CNTNAP2: variants seen among roughly 807,000 people sequenced by gnomAD.
CNTNAP2 encodes contactin associated protein 2, also known as contactin-associated protein-like 2.
Under a neutral mutation model 155.2 loss-of-function variants are expected in CNTNAP2, and 98 were observed. The ratio of observed to expected loss-of-function variants is 0.63; its 90% CI spans 0.54 to 0.75. CNTNAP2 has a LOEUF of 0.75. Among genes scored for constraint, CNTNAP2 ranks in the 30% least tolerant of loss-of-function variants. CNTNAP2 has a pLI of 0.00. For synonymous variants in CNTNAP2, 651 were observed against 631.2 expected (o/e 1.03, Z -0.47); for missense variants, 1,727 against 1,688.1 (o/e 1.02, Z -0.40).
At chr7:147,613,738 G>A (rs1444825416) in intron 12 of CNTNAP2, among the ~76,000 whole-genome samples, 2 of 152,106 alleles carry the variant, frequency 1.3e-5, no homozygotes, top group East Asian at 3.9e-4. Flanking sequence ...AGCTACTTGG[G>A]AGGCAGAGAC....
intron 3 of CNTNAP2, among the ~76,000 whole-genome samples, chr7:146,988,690 G>A (rs1262105300): frequency 6.6e-6 from 1 of 152,138 alleles, no homozygotes; most frequent in Non-Finnish European, 1.5e-5. Context: ...TCTTCAGTTA[G>A]ACCATTTGAA....
intron 8 of CNTNAP2, among the ~76,000 whole-genome samples, chr7:147,135,939 G>A (rs1391102837): frequency 1.3e-5 from 2 of 150,902 alleles, no homozygotes; most frequent in Non-Finnish European, 3.0e-5. Flanking sequence ...CTCTATATTG[G>A]AAAACTAAAT....
At chr7:146,930,716 G>T (rs899786506) in intron 3 of CNTNAP2, among the ~76,000 whole-genome samples, 46 of 152,110 alleles carry the variant, frequency 3.0e-4, no homozygotes, top group Admixed American at 2.2e-3. Flanking sequence ...ACACACATAG[G>T]CTCAAAATAA....
chr7:146,404,043 T>TGAACCC (rs1279318246), intron 1 of CNTNAP2, among the ~76,000 whole-genome samples: 13 of 140,148 alleles, frequency 9.3e-5, no homozygotes, highest in Non-Finnish European at 1.7e-4. Flanking sequence ...GAGAATGGCG[T>TGAACCC]GAACCCGGGA....
chr7:148,344,552 G>T (rs1798289517), intron 21 of CNTNAP2, among the ~76,000 whole-genome samples: 1 of 152,044 alleles, frequency 6.6e-6, no homozygotes, highest in South Asian at 2.1e-4. Flanking sequence ...CCTGCTCTCT[G>T]CCCCCTTGCT....
intron 15 of CNTNAP2, among the ~76,000 whole-genome samples, chr7:147,989,772 A>C (rs1801678580): frequency 1.3e-5 from 2 of 152,140 alleles, no homozygotes; most frequent in Non-Finnish European, 2.9e-5. Flanking sequence ...CATCATGTGG[A>C]TCTCAGCTTC....
At chr7:148,343,388 TTTTA>T (rs1439841921) in intron 21 of CNTNAP2, among the ~76,000 whole-genome samples, 2 of 152,228 alleles carry the variant, frequency 1.3e-5, no homozygotes, top group Non-Finnish European at 2.9e-5. Context: ...TGTCAATGTA[TTTTA>T]TTTATGTTTC....
chr7:146,260,877 T>C (rs1799909216), intron 1 of CNTNAP2, among the ~76,000 whole-genome samples: 1 of 152,106 alleles, frequency 6.6e-6, no homozygotes, highest in Non-Finnish European at 1.5e-5. Flanking sequence ...GACATGACAT[T>C]TGGAAGGTGG....
At chr7:146,542,428 A>G (rs1231531809) in intron 1 of CNTNAP2, among the ~76,000 whole-genome samples, 1 of 151,976 alleles carries the variant, frequency 6.6e-6, no homozygotes, top group African/African-American at 2.4e-5. Flanking sequence ...GTAAGAACAC[A>G]AATAAACTAA....
chr7:147,271,940 T>C (rs2116706237), intron 8 of CNTNAP2, among the ~76,000 whole-genome samples: 1 of 152,314 alleles, frequency 6.6e-6, no homozygotes, highest in East Asian at 1.9e-4. Flanking sequence ...TTGCCCAGGC[T>C]GGAGTGCTAT....
At chr7:147,819,338 G>A (rs1402102465) in intron 13 of CNTNAP2, among the ~76,000 whole-genome samples, 1 of 152,048 alleles carries the variant, frequency 6.6e-6, no homozygotes, top group East Asian at 1.9e-4. Flanking sequence ...TTTCACTTCA[G>A]CTTTTCAACA....
intron 3 of CNTNAP2, among the ~76,000 whole-genome samples, chr7:146,857,116 T>G (rs1795005430): frequency 6.6e-6 from 1 of 152,140 alleles, no homozygotes; most frequent in Non-Finnish European, 1.5e-5. Flanking sequence ...AAATGTACAC[T>G]ATTTGGAAGT....
chr7:147,562,439 A>G (rs1281091147), intron 12 of CNTNAP2, among the ~76,000 whole-genome samples, 182 bp downstream of exon 12: 1 of 152,228 alleles, frequency 6.6e-6, no homozygotes, highest in Non-Finnish European at 1.5e-5. Context: ...ACATTTTGAC[A>G]CTGTGCTTTT....
chr7:146,677,195 A>T (rs982418246), intron 1 of CNTNAP2, among the ~76,000 whole-genome samples: 1 of 152,160 alleles, frequency 6.6e-6, no homozygotes, highest in African/African-American at 2.4e-5. Flanking sequence ...AAGTGGGGGA[A>T]GTGGGAGGCT....
At chr7:147,931,424 A>G (rs1380715724) in intron 14 of CNTNAP2, among the ~76,000 whole-genome samples, 2 of 152,272 alleles carry the variant, frequency 1.3e-5, no homozygotes, top group South Asian at 2.1e-4. Context: ...AAAAGGGGAT[A>G]CTTTCAAACT....
intron 21 of CNTNAP2, among the ~76,000 whole-genome samples, chr7:148,297,193 G>GAAGGAAGGAAGGAAGGAAGA (rs1797302768): frequency 1.3e-5 from 2 of 151,084 alleles, no homozygotes; most frequent in Non-Finnish European, 2.9e-5. Flanking sequence ...AGGAAGGAAG[G>GAAGGAAGGAAGGAAGGAAGA]AAGGAAGGAA....
At chr7:147,395,940 G>A (rs960324980) in intron 10 of CNTNAP2, among the ~76,000 whole-genome samples, 160 bp downstream of exon 10, 6 of 150,936 alleles carry the variant, frequency 4.0e-5, no homozygotes, top group Admixed American at 1.3e-4. Context: ...TGTGATATTA[G>A]CAGTGATTAT....
chr7:146,688,830 A>G (rs1800648501), intron 1 of CNTNAP2, among the ~76,000 whole-genome samples: 1 of 152,160 alleles, frequency 6.6e-6, no homozygotes, highest in Non-Finnish European at 1.5e-5. Context: ...TATCCTAATT[A>G]TACTAGGAAG....
intron 1 of CNTNAP2, among the ~76,000 whole-genome samples, chr7:146,213,906 C>G (rs1799074330): frequency 6.6e-6 from 1 of 152,092 alleles, no homozygotes; most frequent in Non-Finnish European, 1.5e-5. Flanking sequence ...TGCCTAACAG[C>G]CTACACTCTA....
Sources: gnomAD v4.1 joint callset for allele counts (sites outside exome capture counted in the v4.1 genomes callset) on GRCh38, gnomAD v4.1.1 for gene constraint, MANE v1.5 for transcripts, NCBI Gene and HGNC (gene_info 2026-07-23, HGNC 2026-07-21) for gene names.